PLRG1: variants seen among roughly 807,000 people sequenced by gnomAD.
PLRG1 encodes pleiotropic regulator 1 (PRL1 homolog, Arabidopsis).
Under a neutral mutation model 74.9 loss-of-function variants are expected in PLRG1, and 28 were observed. That is an observed-to-expected ratio of 0.37 (90% CI 0.28 to 0.51). The LOEUF (loss-of-function observed/expected upper bound fraction) is 0.51, where lower values mean the gene tolerates loss of function less well. PLRG1 is among the 20% of genes least tolerant of loss of function. The pLI, the probability that PLRG1 is intolerant of heterozygous loss-of-function variation, is 0.91. For missense variants in PLRG1, 445 were observed against 631.9 expected (o/e 0.70, Z 3.17); for synonymous variants, 197 against 212.4 (o/e 0.93, Z 0.63).
intron 1 of PLRG1, 45 bp downstream of exon 1, chr4:154,550,255 C>G: frequency 6.3e-7 from 1 of 1,578,036 alleles, no homozygotes; most frequent in Non-Finnish European, 8.7e-7. Flanking sequence ...CCAAAAAAAA[C>G]AGTCCAGAGA....
intron 6 of PLRG1, among the ~76,000 whole-genome samples, chr4:154,545,406 C>T (rs1729632920): frequency 1.3e-5 from 2 of 152,090 alleles, no homozygotes; most frequent in African/African-American, 4.8e-5. Context: ...TACTTACAAA[C>T]AGATAAACTT....
chr4:154,543,671 C>G (rs1578769065), intron 7 of PLRG1, among the ~76,000 whole-genome samples: 1 of 152,038 alleles, frequency 6.6e-6, no homozygotes, highest in Non-Finnish European at 1.5e-5. Flanking sequence ...ACATCTATAT[C>G]CTAATTGTGG....
chr4:154,539,181 G>T lies in PLRG1; in HGVS notation c.1075C>A (p.Leu359Met). The T allele has an allele frequency of 6.2e-7, 1 of 1,611,278 alleles. No homozygotes were observed. Among genetic ancestry groups the T allele is most frequent in the South Asian group, 1.1e-5 (1 of 91,010 alleles). Residue 359 changes from leucine (L) to methionine (M), a missense_variant, in exon 12 of 15, where the codon CTG becomes ATG. This residue lies in a region of PLRG1 where 221 missense variants were observed against 377.7 expected (regional missense o/e 0.59). Coordinates refer to ENST00000499023, the MANE Select transcript of PLRG1 (RefSeq NM_002669.4). The part of the protein sequence containing the change: ...SHDTTIRLWD[L>M]VAGKTRVTLT... Reference sequence around the variant, plus strand: ...GTCACTCTTGTTTTTCCAGCCACCAGATCCCATAATCGAATTGTAGTATCA... The same window carrying T: ...GTCACTCTTGTTTTTCCAGCCACCATATCCCATAATCGAATTGTAGTATCA...
At chr4:154,546,468 T>C in intron 4 of PLRG1, 1 of 420,950 alleles carries the variant, frequency 2.4e-6, no homozygotes, top group East Asian at 4.5e-5. Flanking sequence ...TAAAGTTAAT[T>C]TCCATTATAT....
Position 154,535,684 on chromosome 4 carries a change from T to C in PLRG1, c.*1001A>G, listed in dbSNP as rs1001187586. ...CCCAGGGCAGGATTTATAAAACTTG[T>C]ATTTACCAAAAAGAGGCATCAGTAT... On this transcript the variant is annotated 3_prime_UTR_variant, in exon 15 of 15. Coordinates refer to ENST00000499023, the MANE Select transcript of PLRG1 (RefSeq NM_002669.4). The C allele has an allele frequency of 2.6e-5, 4 of 152,058 alleles. No homozygotes were observed. The highest frequency in any genetic ancestry group is 9.7e-5 in the African/African-American group (4 of 41,402). 9.4% of individuals were successfully genotyped at this position (152,058 alleles called of 1,614,324 possible). A position where few individuals can be genotyped will look rare whatever the true frequency, so the allele number is the denominator to read the frequency against.
Position 154,544,436 on chromosome 4 carries a change from G to C in PLRG1, c.594+9C>G. ...GTTCACATAATAAAATAAATGCAGA[G>C]TCACTCACCCTGTAGAGTTTCCACG... On this transcript the variant is annotated intron_variant, in intron 7 of 14. Transcript: ENST00000499023. 1 of 1,453,522 alleles carries C rather than the reference G, an allele frequency of 6.9e-7. No homozygotes were observed. The highest frequency in any genetic ancestry group is 9.7e-7 in the Non-Finnish European group (1 of 1,033,998). 90.0% of individuals were successfully genotyped at this position (1,453,522 alleles called of 1,614,324 possible). A position where few individuals can be genotyped will look rare whatever the true frequency, so the allele number is the denominator to read the frequency against.
At position 154,536,581 on chromosome 4, in the gene PLRG1, ATTC is replaced by A; in HGVS notation, c.*101_*103del. 1.5e-6 allele frequency: 1 copy of A among 673,626 alleles called. No individual in the cohort carries two copies. Among genetic ancestry groups the A allele is most frequent in the Non-Finnish European group, 2.6e-6 (1 of 380,452 alleles). 41.7% of individuals were successfully genotyped at this position (673,626 alleles called of 1,614,324 possible). ...TGAAGCAAGTGAATTTCTCCTTTAT[ATTC>A]CCAGCCAGAGCACAAAATGACTGGA... On this transcript the variant is annotated 3_prime_UTR_variant, in exon 15 of 15. Coordinates refer to ENST00000499023, the MANE Select transcript of PLRG1 (RefSeq NM_002669.4).
At position 154,547,067 on chromosome 4, in the gene PLRG1, A is replaced by G; in HGVS notation, c.260-3T>C. On this transcript the variant is annotated splice_polypyrimidine_tract_variant and splice_region_variant and intron_variant, in intron 3 of 14. Transcript: ENST00000499023. Reference sequence around the variant, plus strand: ...CACAAAGTATTCAACTTCTTGTCCTAAAAAAACACAAAAAAAATCAACAGT... The same window carrying G: ...CACAAAGTATTCAACTTCTTGTCCTGAAAAAACACAAAAAAAATCAACAGT... 1 of 1,604,950 alleles carries G rather than the reference A, an allele frequency of 6.2e-7. No homozygotes were observed. The highest frequency in any genetic ancestry group is 8.5e-7 in the Non-Finnish European group (1 of 1,171,770).
intron 1 of PLRG1, among the ~76,000 whole-genome samples, chr4:154,549,980 C>T (rs1003413831): frequency 1.3e-5 from 2 of 152,188 alleles, no homozygotes; most frequent in African/African-American, 4.8e-5. Context: ...CTGACACTGC[C>T]CCGAGGGCGG....
At chr4:154,539,856 A>G (rs556004550) in intron 11 of PLRG1, 95 bp downstream of exon 11, 3 of 753,178 alleles carry the variant, frequency 4.0e-6, no homozygotes, top group African/African-American at 1.7e-5. Flanking sequence ...TAAACACAAT[A>G]CAGAGCAAGA....
Position 154,540,970 on chromosome 4 carries a change from G to A in PLRG1, c.688-36C>T, listed in dbSNP as rs113631433. On this transcript the variant is annotated intron_variant, in intron 8 of 14. Transcript: ENST00000499023. Reference sequence around the variant, plus strand: ...AGAATATTTATTTTTTTCTTTCACTGGTTACTGCAAAACAAAATTTTAGAA... The same window carrying A: ...AGAATATTTATTTTTTTCTTTCACTAGTTACTGCAAAACAAAATTTTAGAA... 1.9e-5 allele frequency: 28 copies of A among 1,509,808 alleles called. No homozygotes were observed. In the African/African-American group the frequency reaches 3.2e-4, roughly 17 times the overall value. The allele number at this position is 1,509,808 out of a possible 1,614,324, so 93.5% of individuals were successfully genotyped here.
In PLRG1 at chr4:154,549,185, C is replaced by T. The variant is rs1729714136; in HGVS notation, c.10-250G>A. ...TACTCAATAAATATTTACTGAGCTC[C>T]TACTGTGTGTCTGGCAGGTATTGTG... On this transcript the variant is annotated intron_variant, in intron 1 of 14. Transcript: ENST00000499023. 3 of 464,766 alleles carry T rather than the reference C, an allele frequency of 6.5e-6. No homozygotes were observed. The East Asian group carries it at 1.6e-4, about 25-fold the overall frequency. The allele number at this position is 464,766 out of a possible 1,614,324, so 28.8% of individuals were successfully genotyped here. A position where few individuals can be genotyped will look rare whatever the true frequency, so the allele number is the denominator to read the frequency against.
intron 4 of PLRG1, chr4:154,546,435 G>A (rs1373207147): frequency 1.9e-6 from 1 of 528,242 alleles, no homozygotes; most frequent in African/African-American, 1.9e-5. Context: ...CAGCCCACAT[G>A]GTATTAAAGC....
In PLRG1 at chr4:154,547,796, C is replaced by T. The variant is rs1729686566; in HGVS notation, c.174G>A (p.Met58Ile). The T allele has an allele frequency of 6.2e-7, 1 of 1,611,816 alleles. No homozygotes were observed. Among genetic ancestry groups the T allele is most frequent in the East Asian group, 2.2e-5 (1 of 44,834 alleles). ...CTTTAAGATTTTCTTTTGAAGTAGG[C>T]ATATGCAACACAGGACCATACTCAT... Reference protein sequence around the residue: ...LRNEYGPVLHMPTSKENLKEK... With the variant: ...LRNEYGPVLHIPTSKENLKEK... The change falls in exon 3 of 15, where the codon ATG (methionine) becomes ATA (isoleucine). Residue 58 changes from methionine (M) to isoleucine (I), a missense_variant. Met to Ile is a conservative substitution (Grantham distance 10, BLOSUM62 1). This residue lies in a region of PLRG1 where 206 missense variants were observed against 210.8 expected (regional missense o/e 0.98). Transcript: ENST00000499023.
chr4:154,550,324 C>G lies in PLRG1; in HGVS notation c.-16G>C. 3.7e-6 allele frequency: 6 copies of G among 1,612,330 alleles called. No homozygotes were observed. Among genetic ancestry groups the G allele is most frequent in the Non-Finnish European group, 5.1e-6 (6 of 1,178,342 alleles). The stretch of plus-strand genomic sequence containing the variant: ...CCTCGACCATGATGCTACCGTGTAT[C>G]CCACCTCCGGCAGGGAAGAAACTCT... On this transcript the variant is annotated 5_prime_UTR_variant, in exon 1 of 15. Coordinates refer to ENST00000499023, the MANE Select transcript of PLRG1 (RefSeq NM_002669.4).
intron 7 of PLRG1, 73 bp from the exon 8 acceptor site, chr4:154,542,352 G>T: frequency 1.2e-6 from 1 of 834,710 alleles, no homozygotes; most frequent in Non-Finnish European, 2.1e-6. Context: ...TGCAGCCCGA[G>T]TTTGAATTGC....
chr4:154,546,032 G>T, intron 5 of PLRG1, 91 bp downstream of exon 5: 2 of 1,088,272 alleles, frequency 1.8e-6, no homozygotes, highest in Non-Finnish European at 2.7e-6. Context: ...AAAGGAAAAT[G>T]TCATATAATA....
chr4:154,538,005 A>G lies in PLRG1; in HGVS notation c.1255T>C (p.Leu419=). 1 of 1,545,042 alleles carries G rather than the reference A, an allele frequency of 6.5e-7. No homozygotes were observed. The highest frequency in any genetic ancestry group is 1.4e-5 in the African/African-American group (1 of 73,726). The stretch of plus-strand genomic sequence containing the variant: ...AGCACTCCATCAGAATTTACCGTCA[A>G]TGTGTTAATAATAGCATTATGACCG... The part of the protein sequence containing the change: ...LSGHNAIINT[L]TVNSDGVLVS... Residue 419 remains leucine, a synonymous_variant, in exon 13 of 15, where the codon TTG becomes CTG. Transcript: ENST00000499023.
intron 3 of PLRG1, 163 bp downstream of exon 3, chr4:154,547,548 G>A: frequency 1.5e-6 from 1 of 646,902 alleles, no homozygotes; most frequent in Non-Finnish European, 2.7e-6. Flanking sequence ...GTCATCAACA[G>A]TATTCCCATG....
Sources: gnomAD v4.1 joint callset for allele counts (sites outside exome capture counted in the v4.1 genomes callset) on GRCh38, gnomAD v4.1.1 for gene constraint, gnomAD v4.1.1 regional missense constraint, MANE v1.5 for transcripts, NCBI Gene and HGNC (gene_info 2026-07-23, HGNC 2026-07-21) for gene names.